The following SLC2A10 variants were observed in gnomAD, a reference collection of about 807,000 sequenced individuals.
SLC2A10 encodes the protein solute carrier family 2 member 10.
Under a neutral mutation model 32.1 loss-of-function variants are expected in SLC2A10, and 25 were observed. That is an observed-to-expected ratio of 0.78 (90% CI 0.57 to 1.09). The LOEUF (loss-of-function observed/expected upper bound fraction) is 1.09, where lower values mean the gene tolerates loss of function less well. Among genes scored for constraint, SLC2A10 ranks in the 50% least tolerant of loss-of-function variants. The probability of loss-of-function intolerance (pLI) is 0.00; values close to 1 mark genes in which losing one functional copy is unlikely to be tolerated. For synonymous variants in SLC2A10, 332 were observed against 309.6 expected (o/e 1.07, Z -0.76); for missense variants, 673 against 686.5 (o/e 0.98, Z 0.22).
chr20:46,709,809 G>A (rs1223402781), intron 1 of SLC2A10, 69 bp downstream of exon 1: 6 of 1,530,316 alleles, frequency 3.9e-6, no homozygotes, highest in African/African-American at 1.4e-5. Flanking sequence ...CCGCCCCCAC[G>A]CTCCCCTAAG....
At position 46,709,728 on chromosome 20, in the gene SLC2A10, C is replaced by T. The variant is rs1978792600; in HGVS notation, c.-9C>T. The T allele has an allele frequency of 1.9e-6, 3 of 1,546,190 alleles. No homozygotes were observed. Among genetic ancestry groups the T allele is most frequent in the South Asian group, 1.2e-5 (1 of 83,776 alleles). On this transcript the variant is annotated 5_prime_UTR_variant, in exon 1 of 5. Coordinates refer to ENST00000359271, the MANE Select transcript of SLC2A10 (RefSeq NM_030777.4). ...AGCGCCCCCAGCACGCCGCCGAGTC[C>T]CGCTCGCCATGGGTAAGTCCCGATC...
intron 1 of SLC2A10, among the ~76,000 whole-genome samples, chr20:46,722,957 C>G (rs1402644255): frequency 2.0e-5 from 3 of 152,220 alleles, no homozygotes; most frequent in Non-Finnish European, 4.4e-5. Context: ...TACCTGGACC[C>G]TTGTACTAGC....
chr20:46,726,259 T>G lies in SLC2A10; in HGVS notation c.1223T>G (p.Leu408Arg), dbSNP rs1267636394. The change falls in exon 2 of 5, where the codon CTG becomes CGG. Residue 408 changes from leucine (L) to arginine (R), a missense_variant. By Grantham distance (102) the Leu-to-Arg change is moderately radical (BLOSUM62 -2). Coordinates refer to ENST00000359271, the MANE Select transcript of SLC2A10 (RefSeq NM_030777.4). ...PPLPARGHAL[L>R]RWTALLCLMV... ...CTGCCCGCTCGGGGGCATGCACTGC[T>G]GCGCTGGACCGCACTGCTGTGCCTG... is the stretch of plus-strand genomic sequence containing the variant. 4 of 1,613,346 alleles carry G rather than the reference T, an allele frequency of 2.5e-6. No individual in the cohort carries two copies. The highest frequency in any genetic ancestry group is 3.4e-6 in the Non-Finnish European group (4 of 1,180,046).
upstream of SLC2A10, among the ~76,000 whole-genome samples, chr20:46,709,139 G>A (rs762961905): frequency 2.0e-5 from 3 of 152,188 alleles, no homozygotes; most frequent in African/African-American, 7.2e-5. Context: ...CCCATCCCAA[G>A]CCTAGCGTAG....
At chr20:46,709,464 C>G, upstream of SLC2A10, 2 of 435,218 alleles carry the variant, frequency 4.6e-6, no homozygotes, top group South Asian at 9.2e-5. Flanking sequence ...CGGGTGGGGG[C>G]CCCCGGGAGG....
chr20:46,712,131 T>A (rs1281734306), intron 1 of SLC2A10, among the ~76,000 whole-genome samples: 1 of 152,228 alleles, frequency 6.6e-6, no homozygotes, highest in Non-Finnish European at 1.5e-5. Flanking sequence ...CTGGTACAGA[T>A]ACTGCCCCTT....
Position 46,716,707 on chromosome 20 carries a change from TAAATA to T in SLC2A10, c.4+6986_4+6990del, listed in dbSNP as rs879858278. Reference sequence around the variant, plus strand: ...GGTTATTTTTATATGTACACTAATATAAATAAAATAAAATAAAATAAAAAATTCAG... The same window carrying T: ...GGTTATTTTTATATGTACACTAATATAAATAAAATAAAATAAAAAATTCAG... On this transcript the variant is annotated intron_variant, in intron 1 of 4. Coordinates refer to ENST00000359271, the MANE Select transcript of SLC2A10 (RefSeq NM_030777.4). 3.2e-3 allele frequency among the ~76,000 whole-genome samples: 491 copies of T among 152,150 alleles called. 11 individuals are homozygous for T. Among genetic ancestry groups the T allele is most frequent in the Admixed American group, 0.026 (403 of 15,276 alleles).
chr20:46,729,624 A>AGTTTT, intron 4 of SLC2A10, 136 bp downstream of exon 4: 1 of 372,342 alleles, frequency 2.7e-6, no homozygotes, highest in Non-Finnish European at 4.4e-6. Flanking sequence ...GGGCACTATG[A>AGTTTT]GTTTTTTTTT....
At chr20:46,718,046 A>T (rs1224823541) in intron 1 of SLC2A10, among the ~76,000 whole-genome samples, 1 of 151,834 alleles carries the variant, frequency 6.6e-6, no homozygotes. Flanking sequence ...ATGTAGTGAG[A>T]CCCCACCTCT....
chr20:46,718,087 G>A (rs1600660512), intron 1 of SLC2A10, among the ~76,000 whole-genome samples: 1 of 152,194 alleles, frequency 6.6e-6, no homozygotes, highest in East Asian at 1.9e-4. Flanking sequence ...GCCTGGCATG[G>A]TGGTGCATGT....
chr20:46,731,129 G>A (rs558211978), intron 4 of SLC2A10, among the ~76,000 whole-genome samples: 1 of 152,178 alleles, frequency 6.6e-6, no homozygotes, highest in South Asian at 2.1e-4. Context: ...TCCAAATGTC[G>A]GTTGGGGGTC....
In SLC2A10 at chr20:46,709,652, C is replaced by A; in HGVS notation, c.-85C>A. Reference sequence around the variant, plus strand: ...GCGGGGGCGGGCCGGAAAGTTTGTCCGGCGGCAGCGGCGTTGGGGACTCCG... The same window carrying A: ...GCGGGGGCGGGCCGGAAAGTTTGTCAGGCGGCAGCGGCGTTGGGGACTCCG... On this transcript the variant is annotated 5_prime_UTR_variant, in exon 1 of 5. Transcript: ENST00000359271. 2 of 1,494,068 alleles carry A rather than the reference C, an allele frequency of 1.3e-6. No homozygotes were observed. Among genetic ancestry groups the A allele is most frequent in the Non-Finnish European group, 1.8e-6 (2 of 1,115,762 alleles). 92.6% of individuals were successfully genotyped at this position (1,494,068 alleles called of 1,614,324 possible).
At chr20:46,726,395 C>T (rs1440366199) in intron 2 of SLC2A10, 71 bp downstream of exon 2, 37 of 1,568,462 alleles carry the variant, frequency 2.4e-5, no homozygotes, top group Non-Finnish European at 3.0e-5. Flanking sequence ...GGGGACTTCC[C>T]ACCCTGATGA....
rs201268555 is a variant in SLC2A10 at position 46,729,406 on chromosome 20, G to C, written c.1465G>C (p.Gly489Arg). The stretch of plus-strand genomic sequence containing the variant: ...GCTCTACGGACTGACCGCTGTCCTC[G>C]GCCTGGGCTTCATCTATTTATTTGT... ...FLLYGLTAVL[G>R]LGFIYLFVPE... The change falls in exon 4 of 5, where the codon GGC becomes CGC. Residue 489 changes from glycine to arginine, a missense_variant. Physicochemically the swap from Gly to Arg is moderately radical, Grantham distance 125. Coordinates refer to ENST00000359271, the MANE Select transcript of SLC2A10 (RefSeq NM_030777.4). 7 of 1,613,722 alleles carry C rather than the reference G, an allele frequency of 4.3e-6. No homozygotes were observed. Among genetic ancestry groups the C allele is most frequent in the South Asian group, 1.1e-5 (1 of 91,060 alleles).
intron 1 of SLC2A10, among the ~76,000 whole-genome samples, chr20:46,713,768 G>T (rs1396742270): frequency 2.0e-5 from 3 of 152,198 alleles, no homozygotes; most frequent in African/African-American, 4.8e-5. Context: ...CCAGTCATTT[G>T]TTCATTCAGC....
At position 46,735,259 on chromosome 20, in the gene SLC2A10, G is replaced by A. The variant is rs1980513439; in HGVS notation, c.*1425G>A. The A allele has an allele frequency of 1.3e-5, 2 of 152,600 alleles. No individual in the cohort carries two copies. Among genetic ancestry groups the A allele is most frequent in the South Asian group, 2.1e-4 (1 of 4,826 alleles). The allele number at this position is 152,600 out of a possible 1,614,324, so 9.5% of individuals were successfully genotyped here. A position where few individuals can be genotyped will look rare whatever the true frequency, so the allele number is the denominator to read the frequency against. On this transcript the variant is annotated 3_prime_UTR_variant, in exon 5 of 5. Transcript: ENST00000359271. ...ATATGGGTGCTGGCAGAGCCCCCAA[G>A]GACTCTGGCCTCTCGAGTTCTCCTA...
In SLC2A10 at chr20:46,735,555, G is replaced by A. The variant is rs1193389522; in HGVS notation, c.*1721G>A. 6.6e-6 allele frequency: 1 copy of A among 152,140 alleles called. No individual in the cohort carries two copies. Among genetic ancestry groups the A allele is most frequent in the Non-Finnish European group, 1.5e-5 (1 of 68,034 alleles). 9.4% of individuals were successfully genotyped at this position (152,140 alleles called of 1,614,324 possible). On this transcript the variant is annotated 3_prime_UTR_variant, in exon 5 of 5. Coordinates refer to ENST00000359271, the MANE Select transcript of SLC2A10 (RefSeq NM_030777.4). ...ACATAGTAACTCTTATGGAGACCTA[G>A]GGGAGACACCGCGCATCTCTTCCTG...
chr20:46,712,390 C>G (rs1250591091), intron 1 of SLC2A10, among the ~76,000 whole-genome samples: 1 of 152,088 alleles, frequency 6.6e-6, no homozygotes, highest in Admixed American at 6.5e-5. Context: ...GCTGGAGATA[C>G]TTGCATCCCA....
rs879560987 is a variant in SLC2A10 at position 46,724,918 on chromosome 20, G to GT, written c.5-121dup. 7,501 of 1,212,124 alleles carry GT rather than the reference G, an allele frequency of 6.2e-3. 33 individuals carry two copies. The highest frequency in any genetic ancestry group is 7.4e-3 in the Non-Finnish European group (6,399 of 861,214). 75.1% of individuals were successfully genotyped at this position (1,212,124 alleles called of 1,614,324 possible). ...GATGGATGGATGGTTTGAATGGATGGTTGAATAGATGGAGTAGATGGATGG... is the reference window on the plus strand; with the variant it reads ...GATGGATGGATGGTTTGAATGGATGGTTTGAATAGATGGAGTAGATGGATGG... On this transcript the variant is annotated intron_variant, in intron 1 of 4. Transcript: ENST00000359271.
Sources: allele counts gnomAD v4.1 joint callset (sites outside exome capture counted in the v4.1 genomes callset), GRCh38; gene constraint gnomAD v4.1.1; transcripts MANE v1.5; gene names NCBI Gene and HGNC (gene_info 2026-07-23, HGNC 2026-07-21).